The following ERBB4 variants were observed in gnomAD, a reference collection of about 807,000 sequenced individuals.
ERBB4 encodes the protein receptor tyrosine-protein kinase erbB-4.
Under a neutral mutation model 158.0 loss-of-function variants are expected in ERBB4, and 42 were observed. That is an observed-to-expected ratio of 0.27 (90% confidence interval 0.21 to 0.34). ERBB4 has a LOEUF of 0.34. ERBB4 is among the 10% of genes least tolerant of loss of function. The pLI, the probability that ERBB4 is intolerant of heterozygous loss-of-function variation, is 1.00. For missense variants in ERBB4, 1,333 were observed against 1,624.1 expected (o/e 0.82, Z 3.08); for synonymous variants, 583 against 558.7 (o/e 1.04, Z -0.61).
chr2:211,743,786 C>T (rs2074872930), intron 5 of ERBB4, among the ~76,000 whole-genome samples: 1 of 152,196 alleles, frequency 6.6e-6, no homozygotes, highest in Non-Finnish European at 1.5e-5. Context: ...TGGAGCAATG[C>T]AGCCACCATT....
chr2:211,685,706 T>G (rs1252826127), intron 12 of ERBB4, among the ~76,000 whole-genome samples: 1 of 152,186 alleles, frequency 6.6e-6, no homozygotes, highest in Non-Finnish European at 1.5e-5. Flanking sequence ...TATATCAGTT[T>G]AGGGAGAATT....
intron 20 of ERBB4, among the ~76,000 whole-genome samples, chr2:211,533,910 A>C (rs915573079): frequency 6.6e-6 from 1 of 152,124 alleles, no homozygotes; most frequent in African/African-American, 2.4e-5. Context: ...CTTCATGCTC[A>C]TGCTTACTGA....
chr2:211,531,180 AC>A (rs2066489955), intron 20 of ERBB4, among the ~76,000 whole-genome samples: 1 of 152,156 alleles, frequency 6.6e-6, no homozygotes, highest in African/African-American at 2.4e-5. Flanking sequence ...TGGATTAAAT[AC>A]TTAAATCGAA....
chr2:211,624,936 G>C (rs145935453), intron 17 of ERBB4, among the ~76,000 whole-genome samples: 19 of 152,130 alleles, frequency 1.2e-4, no homozygotes, highest in East Asian at 5.8e-4. Context: ...ATAATCACAG[G>C]GGGGGCTGGG....
At chr2:211,958,669 G>C (rs1212653894) in intron 2 of ERBB4, among the ~76,000 whole-genome samples, 1 of 152,010 alleles carries the variant, frequency 6.6e-6, no homozygotes, top group Non-Finnish European at 1.5e-5. Flanking sequence ...CAATCCCTTT[G>C]AAGTATTTTT....
intron 1 of ERBB4, among the ~76,000 whole-genome samples, chr2:212,485,238 A>C (rs1689911024): frequency 6.6e-6 from 1 of 152,116 alleles, no homozygotes; most frequent in African/African-American, 2.4e-5. Flanking sequence ...GCTCCACATC[A>C]CCTGCCCTGG....
At chr2:212,049,379 T>G (rs2077340999) in intron 2 of ERBB4, among the ~76,000 whole-genome samples, 1 of 152,184 alleles carries the variant, frequency 6.6e-6, no homozygotes, top group African/African-American at 2.4e-5. Context: ...AGTTTTGTTT[T>G]CCCTATTATT....
At chr2:211,998,281 T>A (rs1402711) in intron 2 of ERBB4, among the ~76,000 whole-genome samples, 1 of 151,390 alleles carries the variant, frequency 6.6e-6, no homozygotes, top group South Asian at 2.1e-4. Flanking sequence ...ATTTCTTTGA[T>A]CTTTATAGTA....
chr2:211,656,121 A>G (rs1210094844), intron 16 of ERBB4, among the ~76,000 whole-genome samples: 2 of 152,210 alleles, frequency 1.3e-5, no homozygotes, highest in Non-Finnish European at 2.9e-5. Context: ...AAACCAGGCA[A>G]TCTGACCTAT....
intron 19 of ERBB4, among the ~76,000 whole-genome samples, chr2:211,610,636 G>A (rs2069159022): frequency 6.6e-6 from 1 of 152,070 alleles, no homozygotes; most frequent in Non-Finnish European, 1.5e-5. Flanking sequence ...CACATGATTA[G>A]TTTAATTCTC....
chr2:212,067,521 T>C (rs1230843202), intron 2 of ERBB4, among the ~76,000 whole-genome samples: 1 of 151,996 alleles, frequency 6.6e-6, no homozygotes, highest in East Asian at 1.9e-4. Flanking sequence ...AAAATTACTG[T>C]TCCTGAAGTC....
chr2:211,900,100 C>A (rs16847170), intron 3 of ERBB4, among the ~76,000 whole-genome samples: 14,472 of 152,132 alleles, frequency 0.095, 813 homozygotes, highest in African/African-American at 0.14. Context: ...AACCCGAGGC[C>A]TCAACTTTCC....
At chr2:211,639,207 T>C (rs2070478488) in intron 16 of ERBB4, among the ~76,000 whole-genome samples, 1 of 152,194 alleles carries the variant, frequency 6.6e-6, no homozygotes, top group African/African-American at 2.4e-5. Context: ...CTAGATAGAA[T>C]ATATATAAGG....
Position 212,023,482 on chromosome 2 carries a change from T to G in ERBB4, c.235-75866A>C, listed in dbSNP as rs190929548. Among the ~76,000 whole-genome samples, 447 of 149,352 alleles carry G rather than the reference T, an allele frequency of 3.0e-3. 3 individuals are homozygous for G. Among genetic ancestry groups the G allele is most frequent in the African/African-American group, 0.01 (412 of 41,024 alleles). On this transcript the variant is annotated intron_variant, in intron 2 of 27. Coordinates refer to ENST00000342788, the MANE Select transcript of ERBB4 (RefSeq NM_005235.3). ...CAAGTACAAAAAGCAGTTTGTTAAG[T>G]ATTAGATTAATAAAAGCGTTTATAC...
chr2:211,536,437 G>T (rs1278650974), intron 20 of ERBB4, among the ~76,000 whole-genome samples: 3 of 152,018 alleles, frequency 2.0e-5, no homozygotes, highest in Non-Finnish European at 2.9e-5. Context: ...GCTTCCCATT[G>T]GGGAAGAGGC....
chr2:211,597,349 T>A (rs1332905891), intron 19 of ERBB4, among the ~76,000 whole-genome samples: 1 of 152,210 alleles, frequency 6.6e-6, no homozygotes, highest in Non-Finnish European at 1.5e-5. Flanking sequence ...CATTTGTACA[T>A]ATTTTCTGCA....
chr2:211,615,033 T>C (rs1255062113), intron 19 of ERBB4, among the ~76,000 whole-genome samples: 1 of 152,032 alleles, frequency 6.6e-6, no homozygotes, highest in Non-Finnish European at 1.5e-5. Flanking sequence ...GTGGAAAAGT[T>C]GAAACAAAAG....
chr2:212,514,585 T>C (rs1575064636), intron 1 of ERBB4, among the ~76,000 whole-genome samples: 1 of 152,076 alleles, frequency 6.6e-6, no homozygotes, highest in South Asian at 2.1e-4. Flanking sequence ...GGCGGGCGGA[T>C]CACGAGGTCA....
chr2:211,807,220 T>C (rs568910813), intron 3 of ERBB4, among the ~76,000 whole-genome samples: 1 of 152,274 alleles, frequency 6.6e-6, no homozygotes, highest in Admixed American at 6.5e-5. Context: ...GGTATACATG[T>C]ACCATGTTGG....
Sources: allele counts gnomAD v4.1 joint callset (sites outside exome capture counted in the v4.1 genomes callset), GRCh38; gene constraint gnomAD v4.1.1; transcripts MANE v1.5; gene names NCBI Gene and HGNC (gene_info 2026-07-23, HGNC 2026-07-21).